Variants in SLC22A2 observed in about 807,000 individuals in gnomAD.
SLC22A2 encodes the protein solute carrier family 22 member 2, also known as organic cation transporter 2.
Under a neutral mutation model 60.5 loss-of-function variants are expected in SLC22A2, and 46 were observed. The ratio of observed to expected loss-of-function variants is 0.76; its 90% CI spans 0.60 to 0.97. SLC22A2 has a LOEUF of 0.97. Among genes scored for constraint, SLC22A2 ranks in the 50% least tolerant of loss-of-function variants. The pLI is 0.00. For missense variants in SLC22A2, 701 were observed against 706.6 expected (o/e 0.99, Z 0.09); for synonymous variants, 303 against 267.0 (o/e 1.13, Z -1.31).
intron 5 of SLC22A2, among the ~76,000 whole-genome samples, chr6:160,245,861 CT>C (rs531474202): frequency 0.11 from 13,898 of 122,226 alleles, 1,005 homozygotes; most frequent in African/African-American, 0.18. Context: ...CAATGCCCAG[CT>C]TTTTTTTTTT....
At chr6:160,246,238 TG>T (rs1396023042) in intron 5 of SLC22A2, among the ~76,000 whole-genome samples, 2 of 152,098 alleles carry the variant, frequency 1.3e-5, no homozygotes, top group African/African-American at 4.8e-5. Flanking sequence ...CAACCTCAGA[TG>T]ATCTACCTGC....
chr6:160,250,460 C>A, intron 3 of SLC22A2, 88 bp downstream of exon 3: 1 of 1,205,696 alleles, frequency 8.3e-7, no homozygotes, highest in South Asian at 1.2e-5. Flanking sequence ...GAAGCTGGGT[C>A]CCTTTTCTTG....
chr6:160,244,786 G>T (rs1358487438), intron 6 of SLC22A2: 1 of 152,222 alleles, frequency 6.6e-6, no homozygotes, highest in Admixed American at 6.5e-5. Flanking sequence ...CCATTTGCCT[G>T]GGTGGAGATC....
chr6:160,251,347 T>C (rs77988386), intron 2 of SLC22A2, among the ~76,000 whole-genome samples: 1,556 of 152,250 alleles, frequency 0.01, 19 homozygotes, highest in African/African-American at 0.036. Context: ...AGGAAAACAA[T>C]TGGCAACCTG....
At chr6:160,256,938 T>C (rs1384288512) in intron 1 of SLC22A2, among the ~76,000 whole-genome samples, 1 of 151,430 alleles carries the variant, frequency 6.6e-6, no homozygotes, top group Non-Finnish European at 1.5e-5. Flanking sequence ...GGTCTTGCTC[T>C]GTCACCCAGG....
chr6:160,252,603 C>G (rs1233358998), intron 2 of SLC22A2, among the ~76,000 whole-genome samples: 1 of 152,128 alleles, frequency 6.6e-6, no homozygotes, highest in Non-Finnish European at 1.5e-5. Context: ...GGTGGACTCC[C>G]CATACTGCTG....
At chr6:160,218,727 T>C (rs908466833) in intron 10 of SLC22A2, among the ~76,000 whole-genome samples, 17 of 71,450 alleles carry the variant, frequency 2.4e-4, no homozygotes, top group African/African-American at 9.6e-4. Context: ...GCAGCAACAA[T>C]AACAAAAGCA....
chr6:160,234,347 G>A (rs1017406216), intron 9 of SLC22A2, among the ~76,000 whole-genome samples: 4 of 152,152 alleles, frequency 2.6e-5, no homozygotes, highest in Admixed American at 2.0e-4. Flanking sequence ...TAAGAGGGAC[G>A]CTTGAGAGCG....
At position 160,226,360 on chromosome 6, in the gene SLC22A2, C is replaced by A. The variant is rs374673320; in HGVS notation, c.1502-1556G>T. ...ATAAAACTCCAGTCTCCCACACAGC[C>A]GGCTCTGTGTGAATTACTCATTCTC... On this transcript the variant is annotated intron_variant, in intron 9 of 10. Coordinates refer to ENST00000366953, the MANE Select transcript of SLC22A2 (RefSeq NM_003058.4). Among the ~76,000 whole-genome samples the A allele has an allele frequency of 2.1e-3, 320 of 152,260 alleles. 3 individuals carry two copies. The highest frequency in any genetic ancestry group is 3.8e-3 in the Non-Finnish European group (259 of 68,014).
intron 10 of SLC22A2, among the ~76,000 whole-genome samples, chr6:160,223,532 T>C (rs1285101715): frequency 6.6e-6 from 1 of 152,222 alleles, no homozygotes; most frequent in Non-Finnish European, 1.5e-5. Flanking sequence ...TTTTAATGGC[T>C]GTATAATTTT....
At chr6:160,225,312 G>A (rs1323098035) in intron 9 of SLC22A2, among the ~76,000 whole-genome samples, 1 of 151,818 alleles carries the variant, frequency 6.6e-6, no homozygotes. Context: ...TTTTTTCTTT[G>A]TCTCTAGCTA....
intron 10 of SLC22A2, among the ~76,000 whole-genome samples, chr6:160,223,333 C>T (rs1052715279): frequency 5.3e-5 from 8 of 152,136 alleles, no homozygotes; most frequent in African/African-American, 7.2e-5. Flanking sequence ...CACAGTCACT[C>T]AATTCCATAG....
chr6:160,243,767 A>G lies in SLC22A2; in HGVS notation c.1084T>C (p.Tyr362His). Residue 362 changes from tyrosine to histidine, a missense_variant, in exon 7 of 11, where the codon TAC becomes CAC. Coordinates refer to ENST00000366953, the MANE Select transcript of SLC22A2 (RefSeq NM_003058.4). ...MYNWFTSSVL[Y>H]QGLIMHMGLA... ...CCCATGTGCATGATGAGGCCCTGGT[A>G]GAGCACAGAGCTCGTGAACCTGAGC... The G allele has an allele frequency of 4.3e-6, 7 of 1,613,566 alleles. No homozygotes were observed. The highest frequency in any genetic ancestry group is 5.9e-6 in the Non-Finnish European group (7 of 1,179,742).
chr6:160,256,053 A>G (rs558977931), intron 2 of SLC22A2, among the ~76,000 whole-genome samples: 25 of 152,126 alleles, frequency 1.6e-4, no homozygotes, highest in South Asian at 6.2e-4. Flanking sequence ...GTGGACATTT[A>G]CCCCTCGTGT....
At chr6:160,229,434 T>C (rs528229397) in intron 9 of SLC22A2, among the ~76,000 whole-genome samples, 13 of 152,058 alleles carry the variant, frequency 8.5e-5, no homozygotes, top group South Asian at 4.1e-4. Context: ...CCACATTTCA[T>C]TGGTGTCTGA....
In SLC22A2 at chr6:160,217,557, A is replaced by G. The variant is rs1782561473; in HGVS notation, c.1602-59T>C. ...AGAAATTATGAGGAGGCTGAAAACC[A>G]AAATAAAGTGGGTAATAAATGAGAG... On this transcript the variant is annotated intron_variant, in intron 10 of 10. Coordinates refer to ENST00000366953, the MANE Select transcript of SLC22A2 (RefSeq NM_003058.4). 19 of 854,476 alleles carry G rather than the reference A, an allele frequency of 2.2e-5. No individual in the cohort carries two copies. The South Asian group carries it at 2.7e-4, about 12-fold the overall frequency. The allele number at this position is 854,476 out of a possible 1,614,324, so 52.9% of individuals were successfully genotyped here.
intron 4 of SLC22A2, 59 bp from the exon 5 acceptor site, chr6:160,247,357 A>AT: frequency 1.1e-6 from 1 of 872,532 alleles, no homozygotes; most frequent in Non-Finnish European, 1.9e-6. Context: ...CCCATCCCCC[A>AT]TTTTTTTATA....
At chr6:160,258,090 G>T (rs1409384145) in intron 1 of SLC22A2, 17 of 494,652 alleles carry the variant, frequency 3.4e-5, no homozygotes, top group Non-Finnish European at 4.3e-5. Context: ...GCTTTGGCCT[G>T]TTCCTTATTG....
chr6:160,241,267 T>G (rs191663490), intron 9 of SLC22A2, among the ~76,000 whole-genome samples: 1 of 152,236 alleles, frequency 6.6e-6, no homozygotes, highest in East Asian at 1.9e-4. Flanking sequence ...GAACTAGTAT[T>G]ATTGATTAGT....
Sources: gnomAD v4.1 joint callset for allele counts (sites outside exome capture counted in the v4.1 genomes callset) on GRCh38, gnomAD v4.1.1 for gene constraint, MANE v1.5 for transcripts, NCBI Gene and HGNC (gene_info 2026-07-23, HGNC 2026-07-21) for gene names.